ITGA9: variants seen among roughly 807,000 people sequenced by gnomAD.
ITGA9 encodes integrin alpha-9.
A neutral mutation model predicts 127.8 loss-of-function variants in ITGA9; 56 were observed. The observed-to-expected ratio is 0.44, with a 90% confidence interval of 0.35 to 0.55. The LOEUF is 0.55. Ranked by LOEUF, ITGA9 falls within the 20% of genes least tolerant of loss-of-function variation. The probability of loss-of-function intolerance (pLI) is 0.00; values close to 1 mark genes in which losing one functional copy is unlikely to be tolerated. For missense variants in ITGA9, 1,196 were observed against 1,347.1 expected, an observed-to-expected ratio of 0.89 and a Z score of 1.76; for synonymous variants, 508 against 514.5, an observed-to-expected ratio of 0.99 and a Z score of 0.17.
At chr3:37,810,590 A>G (rs185949212) in intron 27 of ITGA9, among the ~76,000 whole-genome samples, 3 of 151,912 alleles carry the variant, frequency 2.0e-5, no homozygotes, top group Admixed American at 6.6e-5. Flanking sequence ...TAATTTTTGT[A>G]TTTTTAGTAG....
At chr3:37,770,909 C>T (rs756572406) in intron 23 of ITGA9, among the ~76,000 whole-genome samples, 21 of 152,182 alleles carry the variant, frequency 1.4e-4, no homozygotes, top group Non-Finnish European at 2.5e-4. Flanking sequence ...TCAGTTTGCA[C>T]AATGTCCTCT....
chr3:37,607,560 G>A (rs1389959127), intron 15 of ITGA9, among the ~76,000 whole-genome samples: 1 of 152,066 alleles, frequency 6.6e-6, no homozygotes, highest in Non-Finnish European at 1.5e-5. Flanking sequence ...AGAGGGTCCT[G>A]CCTCTCAGAT....
rs560557242 is a variant in ITGA9, at chr3:37,816,751, G to T, written c.3010-2140G>T. Among the ~76,000 whole-genome samples the T allele has an allele frequency of 8.5e-5, 13 of 152,282 alleles. No homozygotes were observed. In the South Asian group the frequency reaches 1.2e-3, roughly 15 times the overall value. On this transcript the variant is annotated intron_variant, in intron 27 of 27. Coordinates refer to ENST00000264741, the MANE Select transcript of ITGA9 (RefSeq NM_002207.3). ...GGCATTCTGATGAATGTGGTCTTAT[G>T]CTGGGAAGAAACCTCCAGGGCTGAA...
At position 37,682,688 on chromosome 3, in the gene ITGA9, C is replaced by T. The variant is rs539455086; in HGVS notation, c.1917-1177C>T. ...GATTTTCTCTGCTGAACCTTCTCAACCCAGTCTTTCCCATCTCAATAAATG... is the reference window on the plus strand; with the variant it reads ...GATTTTCTCTGCTGAACCTTCTCAATCCAGTCTTTCCCATCTCAATAAATG... On this transcript the variant is annotated intron_variant, in intron 17 of 27. Transcript: ENST00000264741. Among the ~76,000 whole-genome samples, 22 of 152,318 alleles carry T rather than the reference C, an allele frequency of 1.4e-4. No individual in the cohort carries two copies. In the South Asian group the frequency reaches 4.6e-3, roughly 32 times the overall value.
chr3:37,577,666 T>A (rs1338539791), intron 15 of ITGA9, among the ~76,000 whole-genome samples: 1 of 152,276 alleles, frequency 6.6e-6, no homozygotes, highest in East Asian at 1.9e-4. Context: ...GAACTGTTTT[T>A]GTTCTGTTTT....
chr3:37,762,794 A>G (rs961304303), intron 23 of ITGA9, among the ~76,000 whole-genome samples: 1 of 152,202 alleles, frequency 6.6e-6, no homozygotes, highest in Non-Finnish European at 1.5e-5. Flanking sequence ...CTGGGTGCGT[A>G]GCTGTCCAGC....
chr3:37,567,243 C>T (rs1179800060), intron 15 of ITGA9, among the ~76,000 whole-genome samples: 1 of 152,180 alleles, frequency 6.6e-6, no homozygotes, highest in East Asian at 1.9e-4. Context: ...TGCAGGGGAA[C>T]TCCTCTTTAT....
At chr3:37,497,921 G>C (rs1305753684) in intron 5 of ITGA9, among the ~76,000 whole-genome samples, 1 of 152,196 alleles carries the variant, frequency 6.6e-6, no homozygotes, top group Non-Finnish European at 1.5e-5. Flanking sequence ...AGGGAGGCCT[G>C]GTAGGAGGCC....
chr3:37,605,745 G>C (rs1329484571), intron 15 of ITGA9, among the ~76,000 whole-genome samples: 2 of 152,062 alleles, frequency 1.3e-5, no homozygotes, highest in African/African-American at 4.8e-5. Context: ...CCTATATAAG[G>C]AATATGTTAT....
chr3:37,552,326 A>G (rs566241814), intron 15 of ITGA9, among the ~76,000 whole-genome samples: 19 of 152,126 alleles, frequency 1.2e-4, no homozygotes, highest in African/African-American at 4.1e-4. Flanking sequence ...CTGAAGCCTC[A>G]TTGCGTGGGA....
At chr3:37,619,079 T>C (rs978277082) in intron 15 of ITGA9, among the ~76,000 whole-genome samples, 1 of 152,240 alleles carries the variant, frequency 6.6e-6, no homozygotes, top group African/African-American at 2.4e-5. Context: ...AGACTGGAGC[T>C]GTTCCTATTT....
intron 4 of ITGA9, among the ~76,000 whole-genome samples, chr3:37,490,365 C>T (rs9871277): frequency 0.15 from 23,234 of 152,118 alleles, 3,561 homozygotes; most frequent in African/African-American, 0.4. Flanking sequence ...ACTTGGAATT[C>T]GCTATAACAA....
At chr3:37,546,908 T>C (rs1232871572) in intron 15 of ITGA9, among the ~76,000 whole-genome samples, 1 of 152,260 alleles carries the variant, frequency 6.6e-6, no homozygotes, top group East Asian at 1.9e-4. Context: ...GCTCATCCTC[T>C]AATCCTGTAC....
intron 23 of ITGA9, among the ~76,000 whole-genome samples, chr3:37,772,179 G>A (rs1485108428): frequency 6.6e-6 from 1 of 152,130 alleles, no homozygotes; most frequent in East Asian, 1.9e-4. Flanking sequence ...GCCAAGGCAG[G>A]TGGATCTCCT....
At position 37,598,360 on chromosome 3, in the gene ITGA9, G is replaced by A. The variant is rs368881448; in HGVS notation, c.1690-30827G>A. ...GTGGGCAGAAGCCTCTCTGCCCTGGGGGAGGGGATGGTGCCAGGGAGCTCT... is the reference window on the plus strand; with the variant it reads ...GTGGGCAGAAGCCTCTCTGCCCTGGAGGAGGGGATGGTGCCAGGGAGCTCT... On this transcript the variant is annotated intron_variant, in intron 15 of 27. Transcript: ENST00000264741. 2.7e-3 allele frequency among the ~76,000 whole-genome samples: 409 copies of A among 152,326 alleles called. 1 individual carries two copies. Among genetic ancestry groups the A allele is most frequent in the African/African-American group, 8.9e-3 (372 of 41,578 alleles).
At chr3:37,755,592 G>A (rs1376121699) in intron 23 of ITGA9, among the ~76,000 whole-genome samples, 1 of 152,172 alleles carries the variant, frequency 6.6e-6, no homozygotes, top group African/African-American at 2.4e-5. Context: ...TCATTCAAAT[G>A]AAACTTCAAT....
At chr3:37,668,453 C>G (rs963076789) in intron 17 of ITGA9, among the ~76,000 whole-genome samples, 1 of 152,176 alleles carries the variant, frequency 6.6e-6, no homozygotes, top group African/African-American at 2.4e-5. Context: ...TGACTGGACG[C>G]AAGGAAAGGA....
Position 37,473,434 on chromosome 3 carries a change from C to A in ITGA9, c.394C>A (p.Gln132Lys). The A allele has an allele frequency of 6.2e-7, 1 of 1,613,980 alleles. No homozygotes were observed. The highest frequency in any genetic ancestry group is 1.1e-5 in the South Asian group (1 of 91,060). The change falls in exon 3 of 28, where the codon CAG (glutamine) becomes AAG (lysine). Residue 132 changes from glutamine to lysine, a missense_variant. Coordinates refer to ENST00000264741, the MANE Select transcript of ITGA9 (RefSeq NM_002207.3). ...DEWMGVSLAR[Q>K]PKADGRVLAC... ...GTGGATGGGGGTGAGCCTGGCCCGA[C>A]AGCCCAAGGCTGATGGCCGTGTGTT...
rs557615729 is a variant in ITGA9 at position 37,694,307 on chromosome 3, G to A, written c.2067+10292G>A. Among the ~76,000 whole-genome samples the A allele has an allele frequency of 2.0e-4, 31 of 152,308 alleles. No homozygotes were observed. The South Asian group carries it at 5.2e-3, about 26-fold the overall frequency. On this transcript the variant is annotated intron_variant, in intron 18 of 27. Coordinates refer to ENST00000264741, the MANE Select transcript of ITGA9 (RefSeq NM_002207.3). ...CCTTGAGAGGACAAGAGAAGGTGGC[G>A]GGGAGCAGGCACCCCCAGCCTGTGT... is the stretch of plus-strand genomic sequence containing the variant.
Sources: gnomAD v4.1 joint callset for allele counts (sites outside exome capture counted in the v4.1 genomes callset) on GRCh38, gnomAD v4.1.1 for gene constraint, MANE v1.5 for transcripts, NCBI Gene and HGNC (gene_info 2026-07-23, HGNC 2026-07-21) for gene names.